The following CPED1 variants were observed in gnomAD, a reference collection of about 807,000 sequenced individuals.
The protein encoded by CPED1 is cadherin like and PC-esterase domain containing 1.
CPED1 carries 114 observed loss-of-function variants against 128.2 expected under a neutral mutation model. The ratio of observed to expected loss-of-function variants is 0.89; its 90% confidence interval spans 0.76 to 1.04. The LOEUF (loss-of-function observed/expected upper bound fraction) is 1.04, where lower values mean the gene tolerates loss of function less well. CPED1 is among the 50% of genes least tolerant of loss of function. The pLI, the probability that CPED1 is intolerant of heterozygous loss-of-function variation, is 0.00. For missense variants in CPED1, 1,211 were observed against 1,207.1 expected, an observed-to-expected ratio of 1.00 and a Z score of -0.05; for synonymous variants, 462 against 426.7, an observed-to-expected ratio of 1.08 and a Z score of -1.02.
At chr7:121,140,714 G>C (rs1188785029) in intron 14 of CPED1, 113 bp from the exon 15 acceptor site, 7 of 713,518 alleles carry the variant, frequency 9.8e-6, no homozygotes. Context: ...AGTCAGCAGG[G>C]ATCATTGAAG....
intron 16 of CPED1, among the ~76,000 whole-genome samples, chr7:121,218,617 A>G (rs1225075635): frequency 6.6e-6 from 1 of 152,034 alleles, no homozygotes; most frequent in African/African-American, 2.4e-5. Context: ...GCAACTATAC[A>G]TCAATTAAAA....
At position 121,157,600 on chromosome 7, in the gene CPED1, C is replaced by A. The variant is rs184269809; in HGVS notation, c.2055+15459C>A. Among the ~76,000 whole-genome samples, 702 of 152,166 alleles carry A rather than the reference C, an allele frequency of 4.6e-3. 9 individuals are homozygous for A. The highest frequency in any genetic ancestry group is 0.013 in the Admixed American group (204 of 15,282). ...GGATCTTTGACATCTAACACCTCAC[C>A]CTGCATATCAGTAAACCTCAATAAT... On this transcript the variant is annotated intron_variant, in intron 16 of 22. Coordinates refer to ENST00000310396, the MANE Select transcript of CPED1 (RefSeq NM_024913.5).
intron 18 of CPED1, among the ~76,000 whole-genome samples, chr7:121,260,707 C>T (rs755636768): frequency 1.3e-5 from 1 of 76,248 alleles, no homozygotes; most frequent in African/African-American, 3.9e-5. Context: ...GATTCATGGA[C>T]AATTAGCTCT....
At chr7:121,233,925 G>T (rs976788073) in intron 16 of CPED1, among the ~76,000 whole-genome samples, 4 of 151,864 alleles carry the variant, frequency 2.6e-5, no homozygotes, top group Non-Finnish European at 5.9e-5. Context: ...GTTGCTTCAT[G>T]GCCACAAGAT....
chr7:121,028,856 T>C (rs1221961496), intron 3 of CPED1, among the ~76,000 whole-genome samples: 1 of 152,230 alleles, frequency 6.6e-6, no homozygotes, highest in Admixed American at 6.5e-5. Flanking sequence ...AGGGATTACC[T>C]GTAAACCACC....
At chr7:121,191,327 C>A (rs180796921) in intron 16 of CPED1, among the ~76,000 whole-genome samples, 5 of 152,208 alleles carry the variant, frequency 3.3e-5, no homozygotes, top group Admixed American at 3.3e-4. Flanking sequence ...AGCCTACACC[C>A]TGCAGTCTGC....
chr7:120,995,291 C>T (rs752696197), intron 2 of CPED1, among the ~76,000 whole-genome samples: 3 of 152,172 alleles, frequency 2.0e-5, no homozygotes, highest in Non-Finnish European at 4.4e-5. Context: ...CAGTCTACAT[C>T]CTTCTTCTCT....
intron 16 of CPED1, among the ~76,000 whole-genome samples, chr7:121,212,071 C>T (rs1797657226): frequency 1.3e-5 from 2 of 151,978 alleles, no homozygotes; most frequent in South Asian, 4.1e-4. Flanking sequence ...CTATTTCCCA[C>T]AGGAAAATGC....
chr7:121,214,005 A>C (rs1797702903), intron 16 of CPED1, among the ~76,000 whole-genome samples: 1 of 152,048 alleles, frequency 6.6e-6, no homozygotes, highest in South Asian at 2.1e-4. Context: ...CTAGTGTGTG[A>C]TGATTCCACA....
chr7:121,076,237 G>A (rs1040780927), intron 5 of CPED1, among the ~76,000 whole-genome samples: 9 of 152,036 alleles, frequency 5.9e-5, no homozygotes, highest in Non-Finnish European at 1.2e-4. Context: ...GATGCTATGG[G>A]GCAAATAATA....
At chr7:121,145,603 G>A (rs1796007070) in intron 16 of CPED1, among the ~76,000 whole-genome samples, 1 of 152,050 alleles carries the variant, frequency 6.6e-6, no homozygotes, top group African/African-American at 2.4e-5. Flanking sequence ...TTCATGAGCT[G>A]GGGGAAGTCA....
intron 4 of CPED1, among the ~76,000 whole-genome samples, chr7:121,048,023 A>C (rs1411831298): frequency 6.6e-6 from 1 of 152,076 alleles, no homozygotes; most frequent in Non-Finnish European, 1.5e-5. Context: ...ATTTGGGCTG[A>C]GCACACGCTT....
chr7:121,001,435 G>A (rs1028802083), intron 2 of CPED1, among the ~76,000 whole-genome samples: 1 of 152,152 alleles, frequency 6.6e-6, no homozygotes, highest in Admixed American at 6.6e-5. Context: ...GAGTATGCTT[G>A]AGAGAGGGAT....
chr7:121,085,789 G>T (rs185846080), intron 5 of CPED1, among the ~76,000 whole-genome samples: 1 of 152,214 alleles, frequency 6.6e-6, no homozygotes, highest in East Asian at 1.9e-4. Context: ...TGACGATAGG[G>T]TTTAAAAGAA....
At chr7:121,078,969 G>A (rs117760223) in intron 5 of CPED1, among the ~76,000 whole-genome samples, 151 of 152,274 alleles carry the variant, frequency 9.9e-4, no homozygotes, top group East Asian at 7.3e-3. Flanking sequence ...GCAGATGACC[G>A]CCTTCTTGGG....
chr7:121,004,669 T>A (rs1236781861), intron 2 of CPED1, among the ~76,000 whole-genome samples: 1 of 152,076 alleles, frequency 6.6e-6, no homozygotes, highest in Non-Finnish European at 1.5e-5. Flanking sequence ...TAGAGAAGAA[T>A]GAAAATTGAA....
chr7:121,083,000 G>A (rs1215833960), intron 5 of CPED1, among the ~76,000 whole-genome samples: 1 of 152,144 alleles, frequency 6.6e-6, no homozygotes, highest in Non-Finnish European at 1.5e-5. Context: ...GAAGGCAGAA[G>A]ACTGTCTGTC....
chr7:121,044,892 A>C (rs1439726669), intron 3 of CPED1, among the ~76,000 whole-genome samples: 1 of 152,118 alleles, frequency 6.6e-6, no homozygotes, highest in Non-Finnish European at 1.5e-5. Flanking sequence ...AAAACACTGC[A>C]GGTCATGATT....
chr7:121,078,911 G>C (rs1394546701), intron 5 of CPED1, among the ~76,000 whole-genome samples: 1 of 152,200 alleles, frequency 6.6e-6, no homozygotes, highest in African/African-American at 2.4e-5. Context: ...GGAAGTCTAA[G>C]ATAAGGTGTC....
Sources: gnomAD v4.1 joint callset for allele counts (sites outside exome capture counted in the v4.1 genomes callset) on GRCh38, gnomAD v4.1.1 for gene constraint, MANE v1.5 for transcripts, NCBI Gene and HGNC (gene_info 2026-07-23, HGNC 2026-07-21) for gene names.